Variants in KCND2 observed in about 807,000 individuals in gnomAD.
KCND2 encodes A-type voltage-gated potassium channel KCND2.
KCND2 carries 16 observed loss-of-function variants against 54.4 expected under a neutral mutation model. That is an observed-to-expected ratio of 0.29 (90% CI 0.20 to 0.45). The LOEUF (loss-of-function observed/expected upper bound fraction) is 0.45. Ranked by LOEUF, KCND2 falls within the 20% of genes least tolerant of loss-of-function variation. The probability of loss-of-function intolerance (pLI) is 1.00; values close to 1 mark genes in which losing one functional copy is unlikely to be tolerated. For missense variants in KCND2, 486 were observed against 824.2 expected, an observed-to-expected ratio of 0.59 and a Z score of 5.02; for synonymous variants, 317 against 310.7, an observed-to-expected ratio of 1.02 and a Z score of -0.21.
chr7:120,489,865 A>G (rs895957164), intron 1 of KCND2, among the ~76,000 whole-genome samples: 2 of 152,148 alleles, frequency 1.3e-5, no homozygotes, highest in Non-Finnish European at 2.9e-5. Context: ...CGCCATGATA[A>G]TTCTAGCATA....
At chr7:120,633,665 A>G (rs994264659) in intron 1 of KCND2, among the ~76,000 whole-genome samples, 1 of 152,202 alleles carries the variant, frequency 6.6e-6, no homozygotes, top group African/African-American at 2.4e-5. Context: ...TGGTGACTTT[A>G]TCAAAACTAT....
intron 1 of KCND2, among the ~76,000 whole-genome samples, chr7:120,384,599 T>G (rs1800961322): frequency 6.6e-6 from 1 of 152,176 alleles, no homozygotes; most frequent in African/African-American, 2.4e-5. Flanking sequence ...GTCCACTTTA[T>G]TACTGGATCT....
At chr7:120,605,476 A>C (rs1792870622) in intron 1 of KCND2, among the ~76,000 whole-genome samples, 1 of 152,208 alleles carries the variant, frequency 6.6e-6, no homozygotes, top group Admixed American at 6.5e-5. Flanking sequence ...TCATCAGTGT[A>C]TAGAAATTTG....
At chr7:120,724,850 T>C (rs986671148) in intron 1 of KCND2, among the ~76,000 whole-genome samples, 2 of 152,124 alleles carry the variant, frequency 1.3e-5, no homozygotes, top group African/African-American at 4.8e-5. Context: ...TCTTTAAAAA[T>C]CATAATTTTA....
chr7:120,616,347 A>C (rs1793024045), intron 1 of KCND2, among the ~76,000 whole-genome samples: 1 of 152,202 alleles, frequency 6.6e-6, no homozygotes, highest in East Asian at 1.9e-4. Context: ...AACACATATA[A>C]AGGTTTTAGC....
intron 1 of KCND2, among the ~76,000 whole-genome samples, chr7:120,506,252 G>C (rs1248143534): frequency 6.6e-6 from 1 of 151,718 alleles, no homozygotes; most frequent in Non-Finnish European, 1.5e-5. Context: ...AAATATGCTA[G>C]ATGGTGGGTA....
In KCND2 at chr7:120,725,763, T is replaced by G. The variant is rs569014957; in HGVS notation, c.1116-7140T>G. ...TCGATACTCCCTTAAGTATCTTAAGTATTCAAATGAGAAGTTTTAAACATT... is the reference window on the plus strand; with the variant it reads ...TCGATACTCCCTTAAGTATCTTAAGGATTCAAATGAGAAGTTTTAAACATT... On this transcript the variant is annotated intron_variant, in intron 1 of 5. Coordinates refer to ENST00000331113, the MANE Select transcript of KCND2 (RefSeq NM_012281.3). 7.3e-4 allele frequency among the ~76,000 whole-genome samples: 111 copies of G among 152,330 alleles called. 3 individuals carry two copies. Among genetic ancestry groups the G allele is most frequent in the African/African-American group, 2.5e-3 (104 of 41,590 alleles).
chr7:120,449,343 A>T (rs970458700), intron 1 of KCND2, among the ~76,000 whole-genome samples: 7 of 151,770 alleles, frequency 4.6e-5, no homozygotes, highest in East Asian at 1.9e-4. Flanking sequence ...AAAAAAAAAA[A>T]ATATTTTCTC....
intron 1 of KCND2, among the ~76,000 whole-genome samples, chr7:120,339,085 A>AG (rs1464211517): frequency 2.0e-5 from 3 of 150,446 alleles, no homozygotes; most frequent in Non-Finnish European, 4.4e-5. Context: ...TAGTAGAGAC[A>AG]GGGCTTCACC....
chr7:120,717,778 C>T (rs1387597678), intron 1 of KCND2, among the ~76,000 whole-genome samples: 1 of 152,026 alleles, frequency 6.6e-6, no homozygotes, highest in Non-Finnish European at 1.5e-5. Flanking sequence ...AATCTTGCCT[C>T]CTTATGGAAG....
intron 1 of KCND2, among the ~76,000 whole-genome samples, chr7:120,643,329 A>G (rs1011988622): frequency 5.3e-5 from 8 of 152,178 alleles, no homozygotes; most frequent in African/African-American, 1.9e-4. Flanking sequence ...TAGAATGAGA[A>G]ATATTCTAAT....
chr7:120,440,612 A>AC (rs2116192408), intron 1 of KCND2, among the ~76,000 whole-genome samples: 1 of 152,106 alleles, frequency 6.6e-6, no homozygotes, highest in African/African-American at 2.4e-5. Flanking sequence ...TGTTAGTTTC[A>AC]TAGTTTAGGA....
intron 1 of KCND2, among the ~76,000 whole-genome samples, chr7:120,481,068 G>T (rs564236761): frequency 6.6e-6 from 1 of 152,300 alleles, no homozygotes; most frequent in Admixed American, 6.5e-5. Context: ...ACACAATGCT[G>T]GTAGAACGCC....
intron 1 of KCND2, among the ~76,000 whole-genome samples, chr7:120,552,434 G>T (rs1792114587): frequency 6.6e-6 from 1 of 152,190 alleles, no homozygotes; most frequent in African/African-American, 2.4e-5. Flanking sequence ...ATTAACAAGA[G>T]AAAAGCATAC....
intron 1 of KCND2, among the ~76,000 whole-genome samples, chr7:120,456,812 G>GT (rs1382818475): frequency 2.0e-5 from 3 of 152,202 alleles, no homozygotes; most frequent in Non-Finnish European, 4.4e-5. Flanking sequence ...CAGTGCCCCA[G>GT]TGAGGACTCT....
chr7:120,342,319 TG>T (rs1274692923), intron 1 of KCND2, among the ~76,000 whole-genome samples: 1 of 152,196 alleles, frequency 6.6e-6, no homozygotes, highest in Non-Finnish European at 1.5e-5. Context: ...GTAAAACACC[TG>T]GCATAGAATA....
intron 1 of KCND2, among the ~76,000 whole-genome samples, chr7:120,334,145 A>G (rs1171244277): frequency 6.6e-6 from 1 of 152,170 alleles, no homozygotes; most frequent in Non-Finnish European, 1.5e-5. Flanking sequence ...GTGCTTAAAA[A>G]GGGTAACAGG....
chr7:120,294,959 C>A (rs745326801), intron 1 of KCND2, among the ~76,000 whole-genome samples: 3 of 151,700 alleles, frequency 2.0e-5, no homozygotes, highest in African/African-American at 7.3e-5. Flanking sequence ...AAGGTCAGGA[C>A]GTGTATCTAA....
At chr7:120,568,805 C>T (rs1373519943) in intron 1 of KCND2, among the ~76,000 whole-genome samples, 3 of 152,010 alleles carry the variant, frequency 2.0e-5, no homozygotes, top group Admixed American at 6.6e-5. Flanking sequence ...TTAGAAAGTG[C>T]TGTATAAGTG....
Sources: allele counts gnomAD v4.1 joint callset (sites outside exome capture counted in the v4.1 genomes callset), GRCh38; gene constraint gnomAD v4.1.1; transcripts MANE v1.5; gene names NCBI Gene and HGNC (gene_info 2026-07-23, HGNC 2026-07-21).